The following HORMAD2 variants were observed in gnomAD, a reference collection of about 807,000 sequenced individuals.
HORMAD2 encodes HORMA domain containing 2, also known as HORMA domain-containing protein 2.
In HORMAD2, 45 loss-of-function variants were observed where a neutral mutation model predicts 38.8. The observed-to-expected ratio is 1.16, with a 90% CI of 0.91 to 1.49. The LOEUF is 1.49. Ranked by LOEUF, HORMAD2 falls within the 40% of genes most tolerant of loss-of-function variation. The pLI, the probability that HORMAD2 is intolerant of heterozygous loss-of-function variation, is 0.00. For synonymous variants in HORMAD2, 126 were observed against 122.8 expected, an observed-to-expected ratio of 1.03 and a Z score of -0.17; for missense variants, 338 against 367.0, an observed-to-expected ratio of 0.92 and a Z score of 0.65.
upstream of HORMAD2, among the ~76,000 whole-genome samples, chr22:30,078,072 CT>C (rs1031662600): frequency 1.6e-4 from 24 of 152,238 alleles, no homozygotes; most frequent in African/African-American, 5.8e-4. Context: ...TAATCCATTC[CT>C]TTGGTCACAA....
chr22:30,178,725 C>T (rs759666726), downstream of HORMAD2, among the ~76,000 whole-genome samples: 1 of 152,248 alleles, frequency 6.6e-6, no homozygotes, highest in Non-Finnish European at 1.5e-5. Context: ...CATTCCCTCA[C>T]TCTGACTGTG....
chr22:30,199,566 G>A, the HORMAD2 span, among the ~76,000 whole-genome samples: 1 of 152,144 alleles, frequency 6.6e-6, no homozygotes. Flanking sequence ...TCTGGAAGGA[G>A]GTAACAGACG....
chr22:30,183,197 C>T, the HORMAD2 span, among the ~76,000 whole-genome samples: 1 of 152,170 alleles, frequency 6.6e-6, no homozygotes, highest in Non-Finnish European at 1.5e-5. Flanking sequence ...GAGACTATTG[C>T]ATTAATACAG....
chr22:30,132,368 G>T (rs1923343673), intron 10 of HORMAD2, among the ~76,000 whole-genome samples: 2 of 152,116 alleles, frequency 1.3e-5, no homozygotes, highest in South Asian at 4.1e-4. Flanking sequence ...GATCACCTGA[G>T]ATCAGGAGTA....
In HORMAD2 at chr22:30,104,408, G is replaced by T. The variant is rs1482877549; in HGVS notation, c.265G>T (p.Gly89Cys). 3.7e-6 allele frequency: 6 copies of T among 1,610,600 alleles called. No individual in the cohort carries two copies. Among genetic ancestry groups the T allele is most frequent in the Non-Finnish European group, 5.1e-6 (6 of 1,178,328 alleles). ...GSLHIIRWIQ[G>C]CFDALEKRYL... ...ACATTTATTTCTTGACAGGATTCAA[G>T]GTTGTTTTGATGCTTTGGAAAAGAG... The change falls in exon 5 of 11, where the codon GGT (glycine) becomes TGT (cysteine). Residue 89 changes from glycine to cysteine, a missense_variant. By Grantham distance (159) the Gly-to-Cys change is radical. Coordinates refer to ENST00000336726, the MANE Select transcript of HORMAD2 (RefSeq NM_152510.4).
At chr22:30,106,832 A>G (rs915338433) in intron 5 of HORMAD2, among the ~76,000 whole-genome samples, 1 of 152,230 alleles carries the variant, frequency 6.6e-6, no homozygotes, top group Admixed American at 6.5e-5. Context: ...ATGAGTTAAT[A>G]ATCTAAAGCA....
At chr22:30,109,586 G>A (rs1239888383) in intron 5 of HORMAD2, among the ~76,000 whole-genome samples, 2 of 152,172 alleles carry the variant, frequency 1.3e-5, no homozygotes, top group Non-Finnish European at 2.9e-5. Context: ...CAAAGTGCTG[G>A]GATTACAGGC....
intron 5 of HORMAD2, among the ~76,000 whole-genome samples, chr22:30,107,848 T>G (rs1273463365): frequency 6.6e-6 from 1 of 151,902 alleles, no homozygotes; most frequent in Non-Finnish European, 1.5e-5. Context: ...AGCATGATTA[T>G]TTCTAGTTAT....
chr22:30,170,048 T>A (rs1926014719), intron 10 of HORMAD2, among the ~76,000 whole-genome samples: 1 of 152,190 alleles, frequency 6.6e-6, no homozygotes, highest in Non-Finnish European at 1.5e-5. Context: ...ATATAAATGT[T>A]AAGGGAATCA....
chr22:30,142,777 C>T (rs1194000995), intron 10 of HORMAD2, among the ~76,000 whole-genome samples: 1 of 152,044 alleles, frequency 6.6e-6, no homozygotes, highest in Admixed American at 6.6e-5. Context: ...GACTTGTTTT[C>T]CTTGCACTGA....
chr22:30,149,569 CA>C (rs1924621921), intron 10 of HORMAD2, among the ~76,000 whole-genome samples: 1 of 152,124 alleles, frequency 6.6e-6, no homozygotes, highest in Admixed American at 6.5e-5. Context: ...CACCTTTGAC[CA>C]AATCTGGATG....
chr22:30,146,484 A>G (rs1924426396), intron 10 of HORMAD2, among the ~76,000 whole-genome samples: 1 of 152,130 alleles, frequency 6.6e-6, no homozygotes, highest in Non-Finnish European at 1.5e-5. Flanking sequence ...ACAGAGCAAG[A>G]CTCTGTCTCA....
At chr22:30,155,226 C>T (rs1418609895) in intron 10 of HORMAD2, among the ~76,000 whole-genome samples, 2 of 152,052 alleles carry the variant, frequency 1.3e-5, no homozygotes, top group East Asian at 1.9e-4. Flanking sequence ...TGTCTGCCAG[C>T]CTTCTCCACT....
chr22:30,141,415 A>G (rs979943433), intron 10 of HORMAD2, among the ~76,000 whole-genome samples: 1 of 152,150 alleles, frequency 6.6e-6, no homozygotes, highest in Non-Finnish European at 1.5e-5. Context: ...GTGTTTGGTT[A>G]CATGAGTAAG....
At position 30,144,513 on chromosome 22, in the gene HORMAD2, A is replaced by T. The variant is rs548318010; in HGVS notation, c.819+22299A>T. Reference sequence around the variant, plus strand: ...TTGGAAAGAGATTAGGAGCTATTTTATGCACTGCTTCTCCCCTTGGAAAAA... The same window carrying T: ...TTGGAAAGAGATTAGGAGCTATTTTTTGCACTGCTTCTCCCCTTGGAAAAA... On this transcript the variant is annotated intron_variant, in intron 10 of 10. Coordinates refer to ENST00000336726, the MANE Select transcript of HORMAD2 (RefSeq NM_152510.4). Among the ~76,000 whole-genome samples the T allele has an allele frequency of 3.2e-4, 49 of 152,304 alleles. 1 individual carries two copies. In the Middle Eastern group the frequency reaches 0.017, roughly 53 times the overall value.
chr22:30,094,488 A>C (rs1003076709), intron 2 of HORMAD2, among the ~76,000 whole-genome samples: 7 of 152,186 alleles, frequency 4.6e-5, no homozygotes, highest in Non-Finnish European at 8.8e-5. Context: ...TTATTCATTG[A>C]GACTAAATAT....
At position 30,119,064 on chromosome 22, in the gene HORMAD2, T is replaced by A. The variant is rs115895709; in HGVS notation, c.410+17T>A. The A allele has an allele frequency of 2.3e-3, 3,538 of 1,521,470 alleles. 80 individuals are homozygous for A. The African/African-American group carries it at 0.044, about 19-fold the overall frequency. 94.2% of individuals were successfully genotyped at this position (1,521,470 alleles called of 1,614,324 possible). On this transcript the variant is annotated intron_variant, in intron 8 of 10. Transcript: ENST00000336726. ...TTTTGACAGGTAGAATCTAACTGCT[T>A]AATGAACATGAGAAATAAATAGGAT...
intron 3 of HORMAD2, among the ~76,000 whole-genome samples, chr22:30,102,898 G>T (rs1353161593): frequency 6.6e-6 from 1 of 152,066 alleles, no homozygotes; most frequent in African/African-American, 2.4e-5. Context: ...CCAAAGTGCT[G>T]GGATTACAGG....
intron 7 of HORMAD2, among the ~76,000 whole-genome samples, chr22:30,115,412 C>T (rs1206074568): frequency 6.6e-6 from 1 of 152,196 alleles, no homozygotes; most frequent in African/African-American, 2.4e-5. Flanking sequence ...TTGGCCAACA[C>T]TCACCTTTAA....
Sources: gnomAD v4.1 joint callset for allele counts (sites outside exome capture counted in the v4.1 genomes callset) on GRCh38, gnomAD v4.1.1 for gene constraint, MANE v1.5 for transcripts, NCBI Gene and HGNC (gene_info 2026-07-23, HGNC 2026-07-21) for gene names.